LRRC4C: variants seen among roughly 807,000 people sequenced by gnomAD.
LRRC4C encodes the protein leucine rich repeat containing 4C, also known as leucine-rich repeat-containing protein 4C.
A neutral mutation model predicts 33.6 loss-of-function variants in LRRC4C; 5 were observed. The observed-to-expected ratio is 0.15, with a 90% CI of 0.08 to 0.31. The LOEUF (loss-of-function observed/expected upper bound fraction) is 0.31, where lower values mean the gene tolerates loss of function less well. Ranked by LOEUF, LRRC4C falls within the 10% of genes least tolerant of loss-of-function variation. LRRC4C has a pLI of 1.00. For missense variants in LRRC4C, 560 were observed against 796.7 expected (o/e 0.70, Z 3.58); for synonymous variants, 329 against 302.0 (o/e 1.09, Z -0.93).
intron 1 of LRRC4C, among the ~76,000 whole-genome samples, chr11:41,199,305 A>G (rs1946309763): frequency 6.6e-6 from 1 of 152,136 alleles, no homozygotes; most frequent in African/African-American, 2.4e-5. Flanking sequence ...TAATAATCAG[A>G]AAATGTATAG....
intron 2 of LRRC4C, among the ~76,000 whole-genome samples, chr11:40,888,475 A>G (rs1212379270): frequency 6.6e-6 from 1 of 152,156 alleles, no homozygotes; most frequent in South Asian, 2.1e-4. Context: ...CGTTTAATAT[A>G]TAATTCAGGC....
At chr11:40,597,150 T>C (rs1006593508) in intron 3 of LRRC4C, among the ~76,000 whole-genome samples, 4 of 152,188 alleles carry the variant, frequency 2.6e-5, no homozygotes, top group Non-Finnish European at 5.9e-5. Context: ...AGTTCTTCGA[T>C]TGGACCCAGA....
At chr11:40,201,229 AG>A (rs1862727207) in intron 5 of LRRC4C, among the ~76,000 whole-genome samples, 1 of 152,216 alleles carries the variant, frequency 6.6e-6, no homozygotes, top group African/African-American at 2.4e-5. Context: ...GCTGCTTATT[AG>A]CACCAACCTC....
At chr11:40,474,801 G>C (rs796277521) in intron 3 of LRRC4C, among the ~76,000 whole-genome samples, 1 of 152,110 alleles carries the variant, frequency 6.6e-6, no homozygotes, top group Non-Finnish European at 1.5e-5. Context: ...CTCAAGAAAA[G>C]ACATTTATGT....
At chr11:40,538,851 G>A (rs552205827) in intron 3 of LRRC4C, among the ~76,000 whole-genome samples, 27 of 152,230 alleles carry the variant, frequency 1.8e-4, no homozygotes, top group Non-Finnish European at 3.1e-4. Flanking sequence ...TGGTGAGATG[G>A]TATCTCGTTG....
chr11:40,671,365 TAAGG>T (rs1944098427), intron 2 of LRRC4C, among the ~76,000 whole-genome samples: 1 of 152,136 alleles, frequency 6.6e-6, no homozygotes, highest in Non-Finnish European at 1.5e-5. Context: ...ACGGAGGGCT[TAAGG>T]GAGAGGACAG....
intron 1 of LRRC4C, among the ~76,000 whole-genome samples, chr11:41,177,339 C>CT (rs34397635): frequency 0.011 from 1,718 of 152,056 alleles, 18 homozygotes; most frequent in Non-Finnish European, 0.016. Context: ...TACAAATTTG[C>CT]TTTTTTTGGA....
chr11:41,214,292 G>C (rs987003437), intron 1 of LRRC4C, among the ~76,000 whole-genome samples: 4 of 152,032 alleles, frequency 2.6e-5, no homozygotes, highest in African/African-American at 7.3e-5. Context: ...AGGCTGCCAG[G>C]TGCTAGTGAC....
chr11:41,048,172 A>T (rs762330712), intron 1 of LRRC4C, among the ~76,000 whole-genome samples: 14 of 152,184 alleles, frequency 9.2e-5, no homozygotes, highest in Non-Finnish European at 1.6e-4. Flanking sequence ...GCATGTGAAT[A>T]AATTGCTATT....
chr11:40,156,660 A>C (rs987032382), intron 5 of LRRC4C, among the ~76,000 whole-genome samples: 14 of 152,020 alleles, frequency 9.2e-5, no homozygotes, highest in Non-Finnish European at 1.3e-4. Flanking sequence ...AAGCAACCAA[A>C]CAAACAAAAA....
chr11:40,649,885 A>G (rs1942684872), intron 2 of LRRC4C, among the ~76,000 whole-genome samples: 1 of 152,198 alleles, frequency 6.6e-6, no homozygotes, highest in Admixed American at 6.5e-5. Context: ...CTGACTTCCC[A>G]CAACAAATTG....
chr11:40,505,272 G>T (rs184140745), intron 3 of LRRC4C, among the ~76,000 whole-genome samples: 1 of 152,160 alleles, frequency 6.6e-6, no homozygotes, highest in African/African-American at 2.4e-5. Flanking sequence ...ATTTCCATTG[G>T]CTCCTTAGGA....
chr11:41,257,901 G>A (rs1323021884), intron 1 of LRRC4C, among the ~76,000 whole-genome samples: 2 of 151,952 alleles, frequency 1.3e-5, no homozygotes, highest in Admixed American at 6.6e-5. Flanking sequence ...GAGGAAGTGT[G>A]CAATAAATAT....
chr11:41,150,384 C>T (rs1035967479), intron 1 of LRRC4C, among the ~76,000 whole-genome samples: 35 of 152,210 alleles, frequency 2.3e-4, no homozygotes, highest in African/African-American at 8.2e-4. Context: ...GGACATGGTG[C>T]TCAACAGTAT....
At chr11:41,330,479 A>T (rs1951258624) in intron 1 of LRRC4C, among the ~76,000 whole-genome samples, 1 of 152,176 alleles carries the variant, frequency 6.6e-6, no homozygotes, top group Non-Finnish European at 1.5e-5. Flanking sequence ...AATCTAATGT[A>T]TCATGACATT....
chr11:40,204,590 T>C (rs1476484998), intron 5 of LRRC4C, among the ~76,000 whole-genome samples: 1 of 152,118 alleles, frequency 6.6e-6, no homozygotes, highest in Non-Finnish European at 1.5e-5. Context: ...ATTCCTGCCT[T>C]ATTCTAAGTT....
At chr11:41,005,686 G>T (rs1004926153) in intron 1 of LRRC4C, among the ~76,000 whole-genome samples, 2 of 152,104 alleles carry the variant, frequency 1.3e-5, no homozygotes, top group African/African-American at 2.4e-5. Context: ...AATGTGACCT[G>T]CTGGCTTCCC....
chr11:41,136,514 T>TA (rs925677258), intron 1 of LRRC4C, among the ~76,000 whole-genome samples: 13 of 152,172 alleles, frequency 8.5e-5, no homozygotes, highest in African/African-American at 2.9e-4. Flanking sequence ...GACAAAGAGA[T>TA]ACAATTGAAA....
intron 2 of LRRC4C, among the ~76,000 whole-genome samples, chr11:40,691,407 A>T (rs61886823): frequency 2.0e-5 from 3 of 151,834 alleles, no homozygotes; most frequent in African/African-American, 7.3e-5. Context: ...GGACCAGGAG[A>T]TGGGAATCAG....
Sources: allele counts gnomAD v4.1 joint callset (sites outside exome capture counted in the v4.1 genomes callset), GRCh38; gene constraint gnomAD v4.1.1; transcripts MANE v1.5; gene names NCBI Gene and HGNC (gene_info 2026-07-23, HGNC 2026-07-21).